The following RARA variants were observed in gnomAD, a reference collection of about 807,000 sequenced individuals.
RARA encodes PML-DDX5-RARA fusion.
Under a neutral mutation model 42.8 loss-of-function variants are expected in RARA, and 5 were observed. The observed-to-expected ratio is 0.12, with a 90% confidence interval of 0.06 to 0.25. The LOEUF (loss-of-function observed/expected upper bound fraction) is 0.25. Among genes scored for constraint, RARA ranks in the 10% least tolerant of loss-of-function variants. The pLI is 1.00. For synonymous variants in RARA, 256 were observed against 259.5 expected (o/e 0.99, Z 0.13); for missense variants, 402 against 628.7 (o/e 0.64, Z 3.86).
rs1197788587 is a variant in RARA, at chr17:40,356,673, G to A, written c.*447G>A. 14 of 540,066 alleles carry A rather than the reference G, an allele frequency of 2.6e-5. 1 individual carries two copies. The Middle Eastern group carries it at 3.7e-3, about 141-fold the overall frequency. The allele number at this position is 540,066 out of a possible 1,614,324, so 33.5% of individuals were successfully genotyped here. A position where few individuals can be genotyped will look rare whatever the true frequency, so the allele number is the denominator to read the frequency against. ...TTGGTGACAGAGGGGGTGGGACAGG[G>A]GCGGGGGGTTCCCCCTGTACATACC... is the stretch of plus-strand genomic sequence containing the variant. On this transcript the variant is annotated 3_prime_UTR_variant, in exon 9 of 9. Coordinates refer to ENST00000254066, the MANE Select transcript of RARA (RefSeq NM_000964.4).
At chr17:40,315,171 T>TATATAC (rs1247793097) in intron 1 of RARA, among the ~76,000 whole-genome samples, 131 of 76,474 alleles carry the variant, frequency 1.7e-3, no homozygotes, top group South Asian at 3.3e-3. Context: ...TATATATATA[T>TATATAC]ACACACACAC....
intron 1 of RARA, among the ~76,000 whole-genome samples, chr17:40,309,921 G>T (rs1422490073): frequency 1.3e-5 from 2 of 152,170 alleles, no homozygotes. Context: ...TGCTGCAGAA[G>T]CCCCCCGACC....
At chr17:40,322,581 C>T (rs977677751) in intron 1 of RARA, among the ~76,000 whole-genome samples, 3 of 152,158 alleles carry the variant, frequency 2.0e-5, no homozygotes, top group Non-Finnish European at 2.9e-5. Flanking sequence ...GCCTCTGTCC[C>T]CTGGGTCCTA....
rs1429726241 is a variant in RARA, at chr17:40,355,566, A to G, written c.1171+145A>G. ...TAGGCTGAGGTCCCCTAGTGACTCCACTTTGCCGAGGTGGCCCGCCTGTGT... is the reference window on the plus strand; with the variant it reads ...TAGGCTGAGGTCCCCTAGTGACTCCGCTTTGCCGAGGTGGCCCGCCTGTGT... On this transcript the variant is annotated intron_variant, in intron 8 of 8. Transcript: ENST00000254066. This position sits in a 1 kb window ranked among gnomAD's most constrained non-coding sequence, Gnocchi z 4.1. The G allele has an allele frequency of 2.7e-5, 33 of 1,221,624 alleles. No individual in the cohort carries two copies. Among genetic ancestry groups the G allele is most frequent in the Admixed American group, 8.8e-5 (3 of 33,926 alleles). 75.7% of individuals were successfully genotyped at this position (1,221,624 alleles called of 1,614,324 possible).
intron 1 of RARA, among the ~76,000 whole-genome samples, chr17:40,315,994 G>A (rs1231393740): frequency 6.6e-6 from 1 of 152,198 alleles, no homozygotes; most frequent in Non-Finnish European, 1.5e-5. Context: ...GGTGGGAGGG[G>A]GTGGTGGAAG....
At chr17:40,324,398 G>A (rs567556312) in intron 1 of RARA, among the ~76,000 whole-genome samples, 6 of 152,068 alleles carry the variant, frequency 3.9e-5, no homozygotes, top group African/African-American at 7.2e-5. Flanking sequence ...CTTCAGTTCT[G>A]GTTCTACGTG....
chr17:40,331,624 T>A (rs1193705948), intron 2 of RARA, among the ~76,000 whole-genome samples: 2 of 152,074 alleles, frequency 1.3e-5, no homozygotes, highest in Admixed American at 6.5e-5. Context: ...GAGGGGGAGA[T>A]GAAACCATGC....
chr17:40,313,117 G>A lies in RARA; in HGVS notation c.-363+3831G>A, dbSNP rs115443382. On this transcript the variant is annotated intron_variant, in intron 1 of 8. Transcript: ENST00000254066. ...GTGGCCTGTGGCCACTGGTGTGAAT[G>A]GAGCTGCTGGACAGGCTCCAGCAGG... Among the ~76,000 whole-genome samples the A allele has an allele frequency of 2.7e-3, 409 of 152,286 alleles. 1 individual carries two copies. Among genetic ancestry groups the A allele is most frequent in the African/African-American group, 9.0e-3 (372 of 41,552 alleles).
rs1244135669 is a variant in RARA at position 40,357,468 on chromosome 17, G to A, written c.*1242G>A. Reference sequence around the variant, plus strand: ...GTGCCCCCTCCTTACCCCGCAGGACGGGCCTACAGGGGGGTCTCCCCTCAC... The same window carrying A: ...GTGCCCCCTCCTTACCCCGCAGGACAGGCCTACAGGGGGGTCTCCCCTCAC... On this transcript the variant is annotated 3_prime_UTR_variant, in exon 9 of 9. Transcript: ENST00000254066. 2.6e-5 allele frequency: 4 copies of A among 155,256 alleles called. No individual in the cohort carries two copies. The highest frequency in any genetic ancestry group is 6.1e-5 in the African/African-American group (2 of 32,994). The allele number at this position is 155,256 out of a possible 1,614,324, so 9.6% of individuals were successfully genotyped here.
Position 40,351,870 on chromosome 17 carries a change from A to G in RARA, c.470-40A>G. ...GCTGGGGGTGGACGAGGCCCTGAGC[A>G]GCCTGCAGCTGCCCTCTTAACCCCC... is the stretch of plus-strand genomic sequence containing the variant. On this transcript the variant is annotated intron_variant, in intron 4 of 8. Coordinates refer to ENST00000254066, the MANE Select transcript of RARA (RefSeq NM_000964.4). The surrounding 1 kb of genome is among the most constrained non-coding windows in gnomAD (Gnocchi z 4.1). 6.3e-7 allele frequency: 1 copy of G among 1,585,290 alleles called. No individual in the cohort carries two copies. Among genetic ancestry groups the G allele is most frequent in the Non-Finnish European group, 8.5e-7 (1 of 1,172,468 alleles).
chr17:40,351,506 AGGGAGACTGCAGCT>A lies in RARA; in HGVS notation c.470-398_470-385del, dbSNP rs2034450555. ...TCAGAGCCAGTCCCAAGGGACCCCC[AGGGAGACTGCAGCT>A]GGGAGGGCTGGGTGAGTGGAGGCGG... is the stretch of plus-strand genomic sequence containing the variant. On this transcript the variant is annotated intron_variant, in intron 4 of 8. Transcript: ENST00000254066. The surrounding 1 kb of genome is among the most constrained non-coding windows in gnomAD (Gnocchi z 4.1). 2.1e-6 allele frequency: 1 copy of A among 474,250 alleles called. No individual in the cohort carries two copies. The highest frequency in any genetic ancestry group is 4.4e-6 in the Non-Finnish European group (1 of 229,822). The allele number at this position is 474,250 out of a possible 1,614,324, so 29.4% of individuals were successfully genotyped here. A position where few individuals can be genotyped will look rare whatever the true frequency, so the allele number is the denominator to read the frequency against.
intron 1 of RARA, among the ~76,000 whole-genome samples, chr17:40,317,164 C>G (rs756118311): frequency 1.3e-5 from 2 of 152,236 alleles, no homozygotes; most frequent in African/African-American, 2.4e-5. Flanking sequence ...GCCACCGGGT[C>G]AGGCTGAGAG....
intron 2 of RARA, among the ~76,000 whole-genome samples, chr17:40,339,383 A>C (rs1424139974): frequency 3.9e-5 from 6 of 152,202 alleles, no homozygotes; most frequent in Admixed American, 3.9e-4. Context: ...GGGAGGGATA[A>C]GGCTGAGCAG....
chr17:40,322,521 G>T (rs906345556), intron 1 of RARA, among the ~76,000 whole-genome samples: 1 of 152,134 alleles, frequency 6.6e-6, no homozygotes, highest in Non-Finnish European at 1.5e-5. Flanking sequence ...CTGTGTGTCT[G>T]TGTGTACACA....
Position 40,351,642 on chromosome 17 carries a change from G to A in RARA, c.470-268G>A, listed in dbSNP as rs913720382. The A allele has an allele frequency of 2.2e-5, 12 of 537,962 alleles. No individual in the cohort carries two copies. Among genetic ancestry groups the A allele is most frequent in the Admixed American group, 1.2e-4 (4 of 34,030 alleles). The allele number at this position is 537,962 out of a possible 1,614,324, so 33.3% of individuals were successfully genotyped here. The stretch of plus-strand genomic sequence containing the variant: ...AGTAGACGCGTGGGGGATAGCATGC[G>A]GCTGGCTATGGGGTGGGGTGGGGGG... On this transcript the variant is annotated intron_variant, in intron 4 of 8. Coordinates refer to ENST00000254066, the MANE Select transcript of RARA (RefSeq NM_000964.4). This position sits in a 1 kb window ranked among gnomAD's most constrained non-coding sequence, Gnocchi z 4.1.
chr17:40,336,651 G>A (rs1220360104), intron 2 of RARA, among the ~76,000 whole-genome samples: 1 of 151,832 alleles, frequency 6.6e-6, no homozygotes, highest in Non-Finnish European at 1.5e-5. Flanking sequence ...GCCTCCCAAA[G>A]TGCTGGGATT....
chr17:40,341,452 A>G (rs532035245), intron 2 of RARA: 14 of 1,522,848 alleles, frequency 9.2e-6, no homozygotes, highest in Non-Finnish European at 1.2e-5. Context: ...GAGCTGCACA[A>G]TGTCACACCC....
At chr17:40,346,424 G>A (rs1385882988) in intron 2 of RARA, among the ~76,000 whole-genome samples, 2 of 152,094 alleles carry the variant, frequency 1.3e-5, no homozygotes, top group Admixed American at 6.5e-5. Context: ...GGGGAGGTCA[G>A]TGCCTTCTTC....
chr17:40,355,980 G>C lies in RARA; in HGVS notation c.1172-29G>C, dbSNP rs1274898273. On this transcript the variant is annotated intron_variant, in intron 8 of 8. Coordinates refer to ENST00000254066, the MANE Select transcript of RARA (RefSeq NM_000964.4). The surrounding 1 kb of genome is among the most constrained non-coding windows in gnomAD (Gnocchi z 4.1). ...GGGGGTGGGAGGGCTGGCCCAGCGTGCTGACCTCTGCCCCCTCCTTTCCTG... is the reference window on the plus strand; with the variant it reads ...GGGGGTGGGAGGGCTGGCCCAGCGTCCTGACCTCTGCCCCCTCCTTTCCTG... The C allele has an allele frequency of 6.4e-7, 1 of 1,568,858 alleles. No individual in the cohort carries two copies. The highest frequency in any genetic ancestry group is 2.3e-5 in the East Asian group (1 of 43,138).
Sources: allele counts gnomAD v4.1 joint callset (sites outside exome capture counted in the v4.1 genomes callset), GRCh38; gene constraint gnomAD v4.1.1; non-coding constraint Gnocchi (gnomAD v3.1); transcripts MANE v1.5; gene names NCBI Gene and HGNC (gene_info 2026-07-23, HGNC 2026-07-21).